The following TCTN1 variants were observed in gnomAD, a reference collection of about 807,000 sequenced individuals.
TCTN1 encodes the protein tectonic-1.
Under a neutral mutation model 65.8 loss-of-function variants are expected in TCTN1, and 58 were observed. That is an observed-to-expected ratio of 0.88 (90% confidence interval 0.71 to 1.10). TCTN1 has a LOEUF of 1.10. TCTN1 is among the 50% of genes least tolerant of loss of function. TCTN1 has a pLI of 0.00. For missense variants in TCTN1, 645 were observed against 719.4 expected (o/e 0.90, Z 1.18); for synonymous variants, 273 against 289.1 (o/e 0.94, Z 0.57).
chr12:110,630,065 G>T (rs955956593), intron 4 of TCTN1: 3 of 152,160 alleles, frequency 2.0e-5, no homozygotes, highest in African/African-American at 7.2e-5. Context: ...ACACACAGGG[G>T]CCTGTCAGAG....
Position 110,631,505 on chromosome 12 carries a change from G to A in TCTN1, c.625-967G>A, listed in dbSNP as rs563963586. Among the ~76,000 whole-genome samples the A allele has an allele frequency of 1.6e-3, 243 of 152,102 alleles. 1 individual carries two copies. The highest frequency in any genetic ancestry group is 2.9e-3 in the Non-Finnish European group (197 of 67,992). ...AAAAATTAGCTGGGCGTGGTGGTGC[G>A]TGCCTGTAGTTCCAGCTACTTGGAA... On this transcript the variant is annotated intron_variant, in intron 4 of 14. Transcript: ENST00000397659.
chr12:110,645,134 AG>A lies in TCTN1; in HGVS notation c.1494+9del. ...ACCCAGTCATTCAACAGGAAGGTAA[AG>A]GGGAGAAGGTACAGGTTCCATGCTA... On this transcript the variant is annotated splice_donor_region_variant and intron_variant, in intron 12 of 14. Transcript: ENST00000397659. The A allele has an allele frequency of 6.2e-7, 1 of 1,613,840 alleles. No homozygotes were observed. The highest frequency in any genetic ancestry group is 8.5e-7 in the Non-Finnish European group (1 of 1,179,928).
intron 10 of TCTN1, chr12:110,641,843 C>A: frequency 1.7e-6 from 1 of 571,704 alleles, no homozygotes; most frequent in Non-Finnish European, 3.1e-6. Context: ...ACAGCACGTC[C>A]TGGGAAAATG....
intron 2 of TCTN1, among the ~76,000 whole-genome samples, chr12:110,622,111 C>T (rs368501087): frequency 6.6e-5 from 10 of 151,544 alleles, no homozygotes; most frequent in Admixed American, 2.6e-4. Context: ...CACTCTAGCC[C>T]GGGCAACAAG....
intron 6 of TCTN1, chr12:110,635,622 G>A (rs1290235308): frequency 1.3e-5 from 2 of 151,912 alleles, no homozygotes; most frequent in African/African-American, 4.8e-5. Context: ...TCCAGCCTGG[G>A]TGACAGAGTG....
intron 1 of TCTN1, among the ~76,000 whole-genome samples, chr12:110,618,215 A>G (rs1011982026): frequency 6.6e-6 from 1 of 151,308 alleles, no homozygotes; most frequent in South Asian, 2.1e-4. Flanking sequence ...CTGGGATTAC[A>G]GGCGCCCACC....
Position 110,642,002 on chromosome 12 carries a change from G to A in TCTN1, c.1191-247G>A, listed in dbSNP as rs923882198. ...ACATTTAAACAGACACTCCTAAACA[G>A]ATGTAGTGATTTTGAAAATTTAGAA... On this transcript the variant is annotated intron_variant, in intron 10 of 14. Coordinates refer to ENST00000397659, the MANE Select transcript of TCTN1 (RefSeq NM_001082538.3). The A allele has an allele frequency of 5.1e-6, 3 of 592,604 alleles. No individual in the cohort carries two copies. The African/African-American group carries it at 5.6e-5, about 11-fold the overall frequency. 36.7% of individuals were successfully genotyped at this position (592,604 alleles called of 1,614,324 possible).
At chr12:110,646,971 TAGG>T (rs2067357593) in intron 12 of TCTN1, 2 of 547,230 alleles carry the variant, frequency 3.7e-6, no homozygotes, top group Non-Finnish European at 6.4e-6. Context: ...TTTTTAGAAA[TAGG>T]AGGAGATGGA....
intron 4 of TCTN1, 144 bp downstream of exon 4, chr12:110,629,062 A>G (rs1384276606): frequency 1.2e-6 from 1 of 869,538 alleles, no homozygotes; most frequent in African/African-American, 1.7e-5. Flanking sequence ...ATGCCTACAA[A>G]TCAAAGATCA....
chr12:110,622,298 C>G (rs558273610), intron 2 of TCTN1, among the ~76,000 whole-genome samples: 1 of 152,238 alleles, frequency 6.6e-6, no homozygotes, highest in East Asian at 1.9e-4. Flanking sequence ...TTGCCTCTTC[C>G]TTTCCTTTTC....
At position 110,624,508 on chromosome 12, in the gene TCTN1, C is replaced by CCTGTAT. The variant is rs1260593276; in HGVS notation, c.342-1845_342-1840dup. On this transcript the variant is annotated intron_variant, in intron 2 of 14. Coordinates refer to ENST00000397659, the MANE Select transcript of TCTN1 (RefSeq NM_001082538.3). The stretch of plus-strand genomic sequence containing the variant: ...TACAGGCATGAGCCATGGTGCTTGG[C>CCTGTAT]CTGTATCTGTATCTATAGCAAATTG... Among the ~76,000 whole-genome samples, 3 of 151,202 alleles carry CCTGTAT rather than the reference C, an allele frequency of 2.0e-5. No individual in the cohort carries two copies. In the South Asian group the frequency reaches 6.3e-4, roughly 32 times the overall value.
In TCTN1 at chr12:110,641,158, G is replaced by A. The variant is rs763871593; in HGVS notation, c.1104+9G>A. ...AAATTCATTTTCTTCAGGTAAGGTT[G>A]ATCAATTTGGCATAAGTATTTAATT... On this transcript the variant is annotated intron_variant, in intron 9 of 14. Coordinates refer to ENST00000397659, the MANE Select transcript of TCTN1 (RefSeq NM_001082538.3). 6.2e-7 allele frequency: 1 copy of A among 1,614,072 alleles called. No individual in the cohort carries two copies. The highest frequency in any genetic ancestry group is 1.3e-5 in the African/African-American group (1 of 74,930).
chr12:110,634,837 C>A, intron 6 of TCTN1, 58 bp downstream of exon 6: 2 of 1,334,886 alleles, frequency 1.5e-6, no homozygotes, highest in African/African-American at 1.4e-5. Context: ...TCTTTCTGCG[C>A]TTTTAAAATA....
chr12:110,644,734 C>A lies in TCTN1; in HGVS notation c.1332-233C>A. 3.5e-6 allele frequency: 2 copies of A among 576,604 alleles called. No homozygotes were observed. Among genetic ancestry groups the A allele is most frequent in the Non-Finnish European group, 6.1e-6 (2 of 325,526 alleles). The allele number at this position is 576,604 out of a possible 1,614,324, so 35.7% of individuals were successfully genotyped here. A position where few individuals can be genotyped will look rare whatever the true frequency, so the allele number is the denominator to read the frequency against. ...TAAAAAACAAAAAACTGCTGGTGGGCTGGGTGTGGTGGCTCACTCCTGTAG... is the reference window on the plus strand; with the variant it reads ...TAAAAAACAAAAAACTGCTGGTGGGATGGGTGTGGTGGCTCACTCCTGTAG... On this transcript the variant is annotated intron_variant, in intron 11 of 14. Coordinates refer to ENST00000397659, the MANE Select transcript of TCTN1 (RefSeq NM_001082538.3). The surrounding 1 kb of genome is among the most constrained non-coding windows in gnomAD (Gnocchi z 4.6).
At position 110,641,158 on chromosome 12, in the gene TCTN1, G is replaced by T. The variant is rs763871593; in HGVS notation, c.1104+9G>T. ...AAATTCATTTTCTTCAGGTAAGGTT[G>T]ATCAATTTGGCATAAGTATTTAATT... On this transcript the variant is annotated intron_variant, in intron 9 of 14. Coordinates refer to ENST00000397659, the MANE Select transcript of TCTN1 (RefSeq NM_001082538.3). The T allele has an allele frequency of 2.5e-6, 4 of 1,614,190 alleles. No individual in the cohort carries two copies. The highest frequency in any genetic ancestry group is 3.4e-6 in the Non-Finnish European group (4 of 1,180,046).
In TCTN1 at chr12:110,640,894, G is replaced by C; in HGVS notation, c.979-130G>C. Reference sequence around the variant, plus strand: ...GGGAACACCTCTCATAATCCAACTGGACAGCAGAGCAAGGCTTCAACACAT... The same window carrying C: ...GGGAACACCTCTCATAATCCAACTGCACAGCAGAGCAAGGCTTCAACACAT... On this transcript the variant is annotated intron_variant, in intron 8 of 14. Transcript: ENST00000397659. This position sits in a 1 kb window ranked among gnomAD's most constrained non-coding sequence, Gnocchi z 4.9. The C allele has an allele frequency of 7.5e-7, 1 of 1,341,426 alleles. No homozygotes were observed. The highest frequency in any genetic ancestry group is 1.1e-6 in the Non-Finnish European group (1 of 944,636). The allele number at this position is 1,341,426 out of a possible 1,614,324, so 83.1% of individuals were successfully genotyped here.
At chr12:110,629,113 T>A in intron 4 of TCTN1, 195 bp downstream of exon 4, 1 of 677,222 alleles carries the variant, frequency 1.5e-6, no homozygotes, top group Non-Finnish European at 2.5e-6. Context: ...ATTAAAGACT[T>A]AAATGTAAGA....
At chr12:110,620,000 A>G (rs764259285) in intron 2 of TCTN1, 44 bp downstream of exon 2, 3 of 1,613,932 alleles carry the variant, frequency 1.9e-6, no homozygotes, top group Non-Finnish European at 2.5e-6. Flanking sequence ...AAATTTGACC[A>G]GGATAATACA....
Position 110,634,721 on chromosome 12 carries a change from A to G in TCTN1, c.764A>G (p.Gln255Arg). ...TGCACCAGAAAAATAAATTTAGAAC[A>G]GTGTGAAGAAATTGAAGCCCTCAGC... ...VKCTRKINLE[Q>R]CEEIEALSMA... Residue 255 changes from glutamine (Q) to arginine (R), a missense_variant, in exon 6 of 15, where the codon CAG becomes CGG. By Grantham distance (43) the Gln-to-Arg change is conservative. Coordinates refer to ENST00000397659, the MANE Select transcript of TCTN1 (RefSeq NM_001082538.3). The G allele has an allele frequency of 6.2e-7, 1 of 1,612,584 alleles. No individual in the cohort carries two copies. Among genetic ancestry groups the G allele is most frequent in the Non-Finnish European group, 8.5e-7 (1 of 1,179,282 alleles).
Sources: allele counts gnomAD v4.1 joint callset (sites outside exome capture counted in the v4.1 genomes callset), GRCh38; gene constraint gnomAD v4.1.1; non-coding constraint Gnocchi (gnomAD v3.1); transcripts MANE v1.5; gene names NCBI Gene and HGNC (gene_info 2026-07-23, HGNC 2026-07-21).